Variants in APBB1IP observed in about 807,000 individuals in gnomAD.
APBB1IP encodes the protein amyloid beta A4 precursor protein-binding family B member 1-interacting protein.
A neutral mutation model predicts 64.9 loss-of-function variants in APBB1IP; 27 were observed. That is an observed-to-expected ratio of 0.42 (90% CI 0.31 to 0.57). The LOEUF is 0.57. Ranked by LOEUF, APBB1IP falls within the 20% of genes least tolerant of loss-of-function variation. APBB1IP has a pLI of 0.20. For missense variants in APBB1IP, 812 were observed against 845.5 expected, an observed-to-expected ratio of 0.96 and a Z score of 0.49; for synonymous variants, 392 against 331.0, an observed-to-expected ratio of 1.18 and a Z score of -2.00.
At chr10:26,526,205 T>C (rs1450589967) in intron 8 of APBB1IP, among the ~76,000 whole-genome samples, 1 of 152,212 alleles carries the variant, frequency 6.6e-6, no homozygotes, top group Non-Finnish European at 1.5e-5. Flanking sequence ...TAAGCCATTC[T>C]TATTGCTAGA....
At chr10:26,542,536 C>T (rs1348812750) in intron 11 of APBB1IP, among the ~76,000 whole-genome samples, 1 of 152,142 alleles carries the variant, frequency 6.6e-6, no homozygotes, top group East Asian at 1.9e-4. Context: ...TGATGCGTTA[C>T]GGGTCTTTCT....
chr10:26,511,998 T>G, intron 7 of APBB1IP, 92 bp downstream of exon 7: 1 of 1,383,076 alleles, frequency 7.2e-7, no homozygotes, highest in South Asian at 1.4e-5. Context: ...TTCTCTTTAA[T>G]TTTATATAAA....
chr10:26,461,077 AC>A (rs1167652932), intron 2 of APBB1IP, among the ~76,000 whole-genome samples: 1 of 152,122 alleles, frequency 6.6e-6, no homozygotes, highest in Non-Finnish European at 1.5e-5. Context: ...TTATAGGAAC[AC>A]ATCATAAAAG....
At chr10:26,502,368 G>A (rs1836114912) in intron 5 of APBB1IP, among the ~76,000 whole-genome samples, 2 of 152,150 alleles carry the variant, frequency 1.3e-5, no homozygotes, top group South Asian at 4.1e-4. Flanking sequence ...TGGGCCAGGC[G>A]TGGTGGCTCA....
chr10:26,538,861 C>T (rs1418981500), intron 10 of APBB1IP, among the ~76,000 whole-genome samples: 2 of 152,050 alleles, frequency 1.3e-5, no homozygotes, highest in East Asian at 1.9e-4. Context: ...AGGTAGATCT[C>T]CTGCTGTGCC....
chr10:26,486,404 G>GGGA (rs1383974943), intron 2 of APBB1IP, among the ~76,000 whole-genome samples: 2 of 152,110 alleles, frequency 1.3e-5, no homozygotes, highest in African/African-American at 4.8e-5. Context: ...CCGACTAGAT[G>GGGA]GAAAAATGGG....
chr10:26,562,186 T>G, intron 13 of APBB1IP, 140 bp from the exon 14 acceptor site: 3 of 658,710 alleles, frequency 4.6e-6, no homozygotes. Flanking sequence ...TTGTTTTTAT[T>G]TTTGTTTTTT....
intron 11 of APBB1IP, among the ~76,000 whole-genome samples, chr10:26,552,012 G>A (rs893792711): frequency 6.6e-6 from 1 of 152,120 alleles, no homozygotes; most frequent in Non-Finnish European, 1.5e-5. Context: ...TCAAAACATG[G>A]TTCAGGGCAG....
At chr10:26,488,999 T>C (rs1217194656) in intron 2 of APBB1IP, among the ~76,000 whole-genome samples, 2 of 152,198 alleles carry the variant, frequency 1.3e-5, no homozygotes, top group Non-Finnish European at 2.9e-5. Context: ...AATCTAGACC[T>C]CTCTTAACTA....
chr10:26,477,192 C>T (rs1311075281), intron 2 of APBB1IP, among the ~76,000 whole-genome samples: 1 of 152,160 alleles, frequency 6.6e-6, no homozygotes, highest in Non-Finnish European at 1.5e-5. Flanking sequence ...ATTTTGGTAG[C>T]AGTATTACAG....
At chr10:26,453,440 C>G (rs778984685) in intron 2 of APBB1IP, among the ~76,000 whole-genome samples, 2 of 152,324 alleles carry the variant, frequency 1.3e-5, no homozygotes, top group Non-Finnish European at 2.9e-5. Context: ...TACACAGTGA[C>G]AGTGAGGGTG....
chr10:26,541,104 C>G (rs1233342138), intron 10 of APBB1IP, among the ~76,000 whole-genome samples: 1 of 152,102 alleles, frequency 6.6e-6, no homozygotes, highest in Non-Finnish European at 1.5e-5. Flanking sequence ...ATTAGAACAG[C>G]AGTATAATCT....
intron 2 of APBB1IP, among the ~76,000 whole-genome samples, chr10:26,442,737 A>G (rs1258831916): frequency 6.6e-6 from 1 of 152,228 alleles, no homozygotes; most frequent in Admixed American, 6.5e-5. Flanking sequence ...GGTACCTATC[A>G]CCCAGCTTAA....
At chr10:26,527,308 G>A (rs1019551119) in intron 8 of APBB1IP, among the ~76,000 whole-genome samples, 4 of 152,250 alleles carry the variant, frequency 2.6e-5, no homozygotes, top group African/African-American at 4.8e-5. Context: ...AACACTTTGG[G>A]AGGCAGAGCA....
chr10:26,442,017 G>C (rs1393875539), intron 2 of APBB1IP, among the ~76,000 whole-genome samples: 1 of 152,170 alleles, frequency 6.6e-6, no homozygotes, highest in African/African-American at 2.4e-5. Flanking sequence ...TTTGAACTGG[G>C]CCATCTGATG....
intron 2 of APBB1IP, among the ~76,000 whole-genome samples, chr10:26,491,554 T>C (rs1002114802): frequency 5.3e-5 from 8 of 152,206 alleles, no homozygotes; most frequent in Admixed American, 3.3e-4. Context: ...CTTCATTTGG[T>C]TTAGGCAAAG....
At chr10:26,515,304 C>T (rs1341431156) in intron 8 of APBB1IP, among the ~76,000 whole-genome samples, 2 of 152,276 alleles carry the variant, frequency 1.3e-5, no homozygotes, top group South Asian at 2.1e-4. Context: ...CTGGTCCAGC[C>T]ACAGGTAGCT....
intron 2 of APBB1IP, among the ~76,000 whole-genome samples, chr10:26,489,668 A>G (rs1345883300): frequency 6.6e-6 from 1 of 152,216 alleles, no homozygotes; most frequent in African/African-American, 2.4e-5. Flanking sequence ...GTGCCAGATA[A>G]GTATTATTGT....
chr10:26,531,358 T>C (rs1460224673), intron 8 of APBB1IP, among the ~76,000 whole-genome samples: 2 of 148,924 alleles, frequency 1.3e-5, no homozygotes, highest in Non-Finnish European at 3.0e-5. Context: ...AAAATTGTGC[T>C]TGACTTATTT....
Sources: gnomAD v4.1 joint callset for allele counts (sites outside exome capture counted in the v4.1 genomes callset) on GRCh38, gnomAD v4.1.1 for gene constraint, MANE v1.5 for transcripts, NCBI Gene and HGNC (gene_info 2026-07-23, HGNC 2026-07-21) for gene names.